Variants in JPH1 observed in about 807,000 individuals in gnomAD.
JPH1 encodes the protein junctophilin 1.
A neutral mutation model predicts 53.6 loss-of-function variants in JPH1; 12 were observed. The ratio of observed to expected loss-of-function variants is 0.22; its 90% confidence interval spans 0.14 to 0.36. The LOEUF (loss-of-function observed/expected upper bound fraction) is 0.36. JPH1 is among the 10% of genes least tolerant of loss of function. The pLI is 1.00. For synonymous variants in JPH1, 375 were observed against 363.8 expected (o/e 1.03, Z -0.35); for missense variants, 808 against 905.5 (o/e 0.89, Z 1.38).
Position 74,243,734 on chromosome 8 carries a change from G to A in JPH1, c.1905+795C>T, listed in dbSNP as rs562495860. On this transcript the variant is annotated intron_variant, in intron 4 of 5. Transcript: ENST00000342232. ...AGCTTCAGATTTTATAAATACTATA[G>A]CATTTGATAAAACACTAATTCCATA... Among the ~76,000 whole-genome samples, 4 of 152,178 alleles carry A rather than the reference G, an allele frequency of 2.6e-5. No homozygotes were observed. In the South Asian group the frequency reaches 8.3e-4, roughly 32 times the overall value.
At chr8:74,289,135 G>A (rs1807251525) in intron 2 of JPH1, among the ~76,000 whole-genome samples, 1 of 152,196 alleles carries the variant, frequency 6.6e-6, no homozygotes, top group Non-Finnish European at 1.5e-5. Context: ...TGTAAACCAG[G>A]CAACCTTCAG....
At position 74,321,270 on chromosome 8, in the gene JPH1, G is replaced by T; in HGVS notation, c.18C>A (p.Phe6Leu). The change falls in exon 1 of 6, where the codon TTC becomes TTA. Residue 6 changes from phenylalanine to leucine, a missense_variant. Coordinates refer to ENST00000342232, the MANE Select transcript of JPH1 (RefSeq NM_020647.4). The surrounding 1 kb of genome is among the most constrained non-coding windows in gnomAD (Gnocchi z 4.3). The stretch of plus-strand genomic sequence containing the variant: ...AGTAGGTGCCGCCATCGTCGAAGTC[G>T]AACCTTCCGCCCGTCATTCGGGGGG... MTGGR[F>L]DFDDGGTYCG... 6.3e-7 allele frequency: 1 copy of T among 1,589,164 alleles called. No individual in the cohort carries two copies.
chr8:74,320,396 G>A lies in JPH1; in HGVS notation c.379+513C>T, dbSNP rs1808279407. 6.6e-6 allele frequency among the ~76,000 whole-genome samples: 1 copy of A among 152,078 alleles called. No individual in the cohort carries two copies. Among genetic ancestry groups the A allele is most frequent in the African/African-American group, 2.4e-5 (1 of 41,414 alleles). On this transcript the variant is annotated intron_variant, in intron 1 of 5. Transcript: ENST00000342232. The surrounding 1 kb of genome is among the most constrained non-coding windows in gnomAD (Gnocchi z 4.4). ...ACGGGGTTCTGGCTTCTATCTTTAGGCTACTGGAGGACCAGAAGCGAAATA... is the reference window on the plus strand; with the variant it reads ...ACGGGGTTCTGGCTTCTATCTTTAGACTACTGGAGGACCAGAAGCGAAATA...
At position 74,244,568 on chromosome 8, in the gene JPH1, G is replaced by C. The variant is rs139101026; in HGVS notation, c.1866C>G (p.Ser622Arg). Reference sequence around the variant, plus strand: ...TTTCCAAAGCAGGGCATGAATCGTTGCTTGCTGGATTCTTTGGTATAGCAA... The same window carrying C: ...TTTCCAAAGCAGGGCATGAATCGTTCCTTGCTGGATTCTTTGGTATAGCAA... The part of the protein sequence containing the change: ...SELAIPKNPA[S>R]NDSCPALEKE... The change falls in exon 4 of 6, where the codon AGC becomes AGG. Residue 622 changes from serine to arginine, a missense_variant. Ser to Arg is a moderately radical substitution (Grantham distance 110). Coordinates refer to ENST00000342232, the MANE Select transcript of JPH1 (RefSeq NM_020647.4). The C allele has an allele frequency of 3.0e-5, 49 of 1,612,896 alleles. No individual in the cohort carries two copies. The African/African-American group carries it at 6.3e-4, about 21-fold the overall frequency.
At chr8:74,282,841 G>A (rs1436577942) in intron 2 of JPH1, among the ~76,000 whole-genome samples, 1 of 152,126 alleles carries the variant, frequency 6.6e-6, no homozygotes, top group Admixed American at 6.5e-5. Context: ...AATGATAAAC[G>A]TTTGAAGTGA....
chr8:74,269,697 G>T (rs572792170), intron 2 of JPH1, among the ~76,000 whole-genome samples: 3 of 152,302 alleles, frequency 2.0e-5, no homozygotes, highest in Non-Finnish European at 4.4e-5. Flanking sequence ...TGGTGACCAG[G>T]TAATTACTTT....
chr8:74,259,672 A>G (rs1353173954), intron 2 of JPH1, among the ~76,000 whole-genome samples, 169 bp from the exon 3 acceptor site: 1 of 152,248 alleles, frequency 6.6e-6, no homozygotes, highest in African/African-American at 2.4e-5. Flanking sequence ...TGAAGATGAC[A>G]TAGATGAAAC....
At chr8:74,311,305 C>T (rs1807987453) in intron 2 of JPH1, among the ~76,000 whole-genome samples, 1 of 152,136 alleles carries the variant, frequency 6.6e-6, no homozygotes, top group Non-Finnish European at 1.5e-5. Context: ...GGAAGAGTGT[C>T]ATCTTATGTT....
intron 2 of JPH1, among the ~76,000 whole-genome samples, chr8:74,308,433 GC>G (rs1340503327): frequency 6.6e-6 from 1 of 152,206 alleles, no homozygotes; most frequent in Non-Finnish European, 1.5e-5. Flanking sequence ...AATTATGAGA[GC>G]TAAGTTTCCA....
At chr8:74,281,363 TA>T (rs1182465843) in intron 2 of JPH1, among the ~76,000 whole-genome samples, 8 of 152,168 alleles carry the variant, frequency 5.3e-5, no homozygotes, top group Non-Finnish European at 7.4e-5. Context: ...AGTCTTGCCT[TA>T]ATATAGTAGG....
At chr8:74,267,521 G>A (rs1399060781) in intron 2 of JPH1, among the ~76,000 whole-genome samples, 1 of 152,174 alleles carries the variant, frequency 6.6e-6, no homozygotes, top group Non-Finnish European at 1.5e-5. Context: ...ACTGAAATGA[G>A]TCAGTCCTGG....
chr8:74,278,135 G>A (rs1452016531), intron 2 of JPH1, among the ~76,000 whole-genome samples: 3 of 152,192 alleles, frequency 2.0e-5, no homozygotes, highest in African/African-American at 7.2e-5. Context: ...GGGACCTGGT[G>A]GGAGGTAATT....
At chr8:74,311,950 T>C (rs1469901162) in intron 2 of JPH1, among the ~76,000 whole-genome samples, 1 of 152,122 alleles carries the variant, frequency 6.6e-6, no homozygotes, top group Non-Finnish European at 1.5e-5. Context: ...TTCCAAGTCT[T>C]TGCTATTGTG....
chr8:74,279,264 T>C (rs764385104), intron 2 of JPH1, among the ~76,000 whole-genome samples: 1 of 152,218 alleles, frequency 6.6e-6, no homozygotes, highest in South Asian at 2.1e-4. Context: ...TCCAATTTCT[T>C]TGGGAGCTGA....
At chr8:74,313,435 T>C (rs923758285) in intron 2 of JPH1, among the ~76,000 whole-genome samples, 29 of 151,932 alleles carry the variant, frequency 1.9e-4, no homozygotes, top group African/African-American at 6.5e-4. Context: ...TGAAATTAGT[T>C]TGGGATAAAG....
chr8:74,256,148 T>C (rs1293734655), intron 3 of JPH1, among the ~76,000 whole-genome samples: 1 of 152,080 alleles, frequency 6.6e-6, no homozygotes, highest in East Asian at 1.9e-4. Flanking sequence ...AACCCAAATG[T>C]CCAACAATGA....
At chr8:74,308,482 G>A (rs4582553) in intron 2 of JPH1, among the ~76,000 whole-genome samples, 1 of 152,206 alleles carries the variant, frequency 6.6e-6, no homozygotes, top group Non-Finnish European at 1.5e-5. Context: ...AACAAAATTA[G>A]GAGCACTGGC....
At chr8:74,310,617 T>C (rs1435026811) in intron 2 of JPH1, among the ~76,000 whole-genome samples, 1 of 152,192 alleles carries the variant, frequency 6.6e-6, no homozygotes, top group Admixed American at 6.5e-5. Context: ...AAGCCTCCTG[T>C]ATGTGTTTAC....
At chr8:74,271,678 C>T (rs1165933395) in intron 2 of JPH1, among the ~76,000 whole-genome samples, 1 of 152,162 alleles carries the variant, frequency 6.6e-6, no homozygotes, top group East Asian at 1.9e-4. Flanking sequence ...GTTGCTGCAA[C>T]AGACACAATG....
Sources: allele counts gnomAD v4.1 joint callset (sites outside exome capture counted in the v4.1 genomes callset), GRCh38; gene constraint gnomAD v4.1.1; non-coding constraint Gnocchi (gnomAD v3.1); transcripts MANE v1.5; gene names NCBI Gene and HGNC (gene_info 2026-07-23, HGNC 2026-07-21).